Variants in CFLAR observed in about 807,000 individuals in gnomAD.
CFLAR encodes CASP8 and FADD like apoptosis regulator.
CFLAR carries 14 observed loss-of-function variants against 51.1 expected under a neutral mutation model. That is an observed-to-expected ratio of 0.27 (90% CI 0.18 to 0.43). The LOEUF (loss-of-function observed/expected upper bound fraction) is 0.43. Among genes scored for constraint, CFLAR ranks in the 20% least tolerant of loss-of-function variants. CFLAR has a pLI of 1.00. For missense variants in CFLAR, 390 were observed against 566.5 expected (o/e 0.69, Z 3.16); for synonymous variants, 210 against 211.6 (o/e 0.99, Z 0.06).
chr2:201,136,845 G>T, intron 4 of CFLAR: 1 of 245,384 alleles, frequency 4.1e-6, no homozygotes, highest in South Asian at 5.6e-5. Flanking sequence ...AACACACAGG[G>T]ACGCAACAGT....
Position 201,166,188 on chromosome 2 carries a change from A to C in CFLAR, c.*2215A>C, listed in dbSNP as rs1943533020. On this transcript the variant is annotated 3_prime_UTR_variant, in exon 10 of 10. Coordinates refer to ENST00000309955, the MANE Select transcript of CFLAR (RefSeq NM_003879.7). ...GACGCGCCCCCCACCTCCCTCCCGG[A>C]CGGGATAGCTGGCCGGGCGGGGGCT... 6.4e-6 allele frequency: 1 copy of C among 155,464 alleles called. No individual in the cohort carries two copies. The highest frequency in any genetic ancestry group is 1.4e-5 in the Non-Finnish European group (1 of 73,182). The allele number at this position is 155,464 out of a possible 1,614,324, so 9.6% of individuals were successfully genotyped here.
At chr2:201,143,129 C>G (rs1939330819) in intron 5 of CFLAR, among the ~76,000 whole-genome samples, 1 of 152,102 alleles carries the variant, frequency 6.6e-6, no homozygotes, top group African/African-American at 2.4e-5. Flanking sequence ...TGCTATGTAG[C>G]CTGTTGTGAG....
chr2:201,141,425 T>A (rs1385087114), intron 5 of CFLAR: 2 of 1,556,752 alleles, frequency 1.3e-6, no homozygotes, highest in South Asian at 2.4e-5. Context: ...TGGAAATTGT[T>A]CCATGTGATT....
chr2:201,134,616 T>C lies in CFLAR; in HGVS notation c.388-1356T>C, dbSNP rs572060218. On this transcript the variant is annotated intron_variant, in intron 3 of 9. Coordinates refer to ENST00000309955, the MANE Select transcript of CFLAR (RefSeq NM_003879.7). ...TGCTATTGCACTCCAGCCTGGGCTA[T>C]AGAGCCAGACTCCATCTCAAAAATT... 2.4e-3 allele frequency among the ~76,000 whole-genome samples: 358 copies of C among 150,286 alleles called. 3 individuals carry two copies. The highest frequency in any genetic ancestry group is 8.3e-3 in the African/African-American group (339 of 41,040).
Position 201,138,881 on chromosome 2 carries a change from G to A in CFLAR, c.524-1476G>A. On this transcript the variant is annotated intron_variant, in intron 4 of 9. Transcript: ENST00000309955. This position sits in a 1 kb window ranked among gnomAD's most constrained non-coding sequence, Gnocchi z 4.0. ...AGGAGATCAGCGGCGTCTTCAGAGT[G>A]ACCATTGGGTCAGGGCTGAGGTCAG... 2.9e-6 allele frequency: 2 copies of A among 699,306 alleles called. No homozygotes were observed. The highest frequency in any genetic ancestry group is 5.3e-6 in the Non-Finnish European group (2 of 375,276). The allele number at this position is 699,306 out of a possible 1,614,324, so 43.3% of individuals were successfully genotyped here.
At chr2:201,144,025 A>G (rs1374677692) in intron 5 of CFLAR, 2 of 152,130 alleles carry the variant, frequency 1.3e-5, no homozygotes, top group East Asian at 3.8e-4. Context: ...TTGATATGTT[A>G]CCTCTCTCTA....
chr2:201,134,811 C>T (rs1471521084), intron 3 of CFLAR, among the ~76,000 whole-genome samples: 2 of 151,980 alleles, frequency 1.3e-5, no homozygotes, highest in Admixed American at 6.6e-5. Context: ...ATAGGCAGGC[C>T]AGTGCCTGCC....
At chr2:201,152,023 G>A (rs1454285714) in intron 8 of CFLAR, among the ~76,000 whole-genome samples, 2 of 148,480 alleles carry the variant, frequency 1.3e-5, no homozygotes, top group East Asian at 2.0e-4. Context: ...TCTCACTCTT[G>A]TTGCCCATGC....
intron 8 of CFLAR, 134 bp downstream of exon 8, chr2:201,149,969 C>T (rs565128935): frequency 7.6e-6 from 5 of 653,812 alleles, no homozygotes; most frequent in Middle Eastern, 3.9e-4. Context: ...ATCCTGGGTG[C>T]GGTGGCTCAT....
chr2:201,147,146 G>A (rs1265932027), intron 6 of CFLAR, among the ~76,000 whole-genome samples: 8 of 152,174 alleles, frequency 5.3e-5, no homozygotes, highest in Admixed American at 5.2e-4. Flanking sequence ...TACAGATGAG[G>A]TAAGTGAGAA....
At chr2:201,148,493 G>C (rs1278929957) in intron 6 of CFLAR, 1 of 152,402 alleles carries the variant, frequency 6.6e-6, no homozygotes, top group African/African-American at 2.4e-5. Flanking sequence ...CATTGTCACT[G>C]TCTTGCCATT....
intron 5 of CFLAR, among the ~76,000 whole-genome samples, chr2:201,142,404 A>G (rs1163614280): frequency 1.3e-5 from 2 of 152,128 alleles, no homozygotes; most frequent in Non-Finnish European, 2.9e-5. Flanking sequence ...GAGCAATGCA[A>G]TTTCAGAGCT....
chr2:201,167,713 C>G lies in CFLAR; in HGVS notation c.*3740C>G, dbSNP rs1943726550. On this transcript the variant is annotated 3_prime_UTR_variant, in exon 10 of 10. Coordinates refer to ENST00000309955, the MANE Select transcript of CFLAR (RefSeq NM_003879.7). Reference sequence around the variant, plus strand: ...GGAAAGTGTGTGAGAGAGATCTTAACTACCTAGCAGCTCTAGCTGCCATCT... The same window carrying G: ...GGAAAGTGTGTGAGAGAGATCTTAAGTACCTAGCAGCTCTAGCTGCCATCT... 1 of 152,254 alleles carries G rather than the reference C, an allele frequency of 6.6e-6. No homozygotes were observed. Among genetic ancestry groups the G allele is most frequent in the Non-Finnish European group, 1.5e-5 (1 of 68,032 alleles). 9.4% of individuals were successfully genotyped at this position (152,254 alleles called of 1,614,324 possible).
In CFLAR at chr2:201,137,866, C is replaced by T. The variant is rs141415450; in HGVS notation, c.523+1759C>T. On this transcript the variant is annotated intron_variant, in intron 4 of 9. Coordinates refer to ENST00000309955, the MANE Select transcript of CFLAR (RefSeq NM_003879.7). The stretch of plus-strand genomic sequence containing the variant: ...TGCATTCCGTCTGAGAAGAAGCACT[C>T]GCCGGGGGCCTCCATGGTGGCGGCC... The T allele has an allele frequency of 3.8e-4, 316 of 834,168 alleles. 1 individual carries two copies. Among genetic ancestry groups the T allele is most frequent in the African/African-American group, 2.9e-3 (174 of 60,244 alleles). 51.7% of individuals were successfully genotyped at this position (834,168 alleles called of 1,614,324 possible).
intron 9 of CFLAR, chr2:201,162,847 T>TCC (rs1298353578): frequency 1.4e-4 from 80 of 555,600 alleles, no homozygotes; most frequent in Non-Finnish European, 2.5e-4. Flanking sequence ...ACAGCATCAG[T>TCC]TTAATGTATG....
intron 8 of CFLAR, among the ~76,000 whole-genome samples, chr2:201,150,766 T>C (rs886660098): frequency 2.0e-5 from 3 of 152,164 alleles, no homozygotes; most frequent in African/African-American, 7.2e-5. Flanking sequence ...CCCCATTAGA[T>C]TGGTCAGAAC....
chr2:201,149,430 A>G lies in CFLAR; in HGVS notation c.712-324A>G. The G allele has an allele frequency of 1.0e-5, 3 of 298,244 alleles. No homozygotes were observed. In the South Asian group the frequency reaches 1.4e-4, roughly 14 times the overall value. 18.5% of individuals were successfully genotyped at this position (298,244 alleles called of 1,614,324 possible). ...TTGTACTTGGGAACATGCCACTTATATAACTTCAGGTTACTGTGGAGACAA... is the reference window on the plus strand; with the variant it reads ...TTGTACTTGGGAACATGCCACTTATGTAACTTCAGGTTACTGTGGAGACAA... On this transcript the variant is annotated intron_variant, in intron 7 of 9. Coordinates refer to ENST00000309955, the MANE Select transcript of CFLAR (RefSeq NM_003879.7).
At position 201,166,540 on chromosome 2, in the gene CFLAR, C is replaced by G. The variant is rs535580958; in HGVS notation, c.*2567C>G. On this transcript the variant is annotated 3_prime_UTR_variant, in exon 10 of 10. Transcript: ENST00000309955. Reference sequence around the variant, plus strand: ...GACGATGGGCGGCCGGGCAGAGACGCTCCTCACTTCATCCCAGACGGGGTG... The same window carrying G: ...GACGATGGGCGGCCGGGCAGAGACGGTCCTCACTTCATCCCAGACGGGGTG... The G allele has an allele frequency of 1.1e-5, 2 of 185,258 alleles. No homozygotes were observed. The highest frequency in any genetic ancestry group is 8.2e-5 in the South Asian group (1 of 12,150). 11.5% of individuals were successfully genotyped at this position (185,258 alleles called of 1,614,324 possible).
intron 1 of CFLAR, among the ~76,000 whole-genome samples, chr2:201,117,750 CTTTT>C (rs1174973596): frequency 2.6e-5 from 3 of 113,876 alleles, no homozygotes; most frequent in Non-Finnish European, 3.6e-5. Flanking sequence ...GCTCCAAGAT[CTTTT>C]TTTTTTTTTT....
Sources: gnomAD v4.1 joint callset for allele counts (sites outside exome capture counted in the v4.1 genomes callset) on GRCh38, gnomAD v4.1.1 for gene constraint, Gnocchi (gnomAD v3.1) non-coding constraint, MANE v1.5 for transcripts, NCBI Gene and HGNC (gene_info 2026-07-23, HGNC 2026-07-21) for gene names.